Variants in TSGA10 observed in about 807,000 individuals in gnomAD.
TSGA10 encodes testis-specific gene 10 protein.
TSGA10 carries 43 observed loss-of-function variants against 96.6 expected under a neutral mutation model. The observed-to-expected ratio is 0.44, with a 90% CI of 0.35 to 0.57. The LOEUF is 0.57. Among genes scored for constraint, TSGA10 ranks in the 20% least tolerant of loss-of-function variants. The pLI is 0.01. For missense variants in TSGA10, 703 were observed against 834.4 expected (o/e 0.84, Z 1.94); for synonymous variants, 229 against 269.9 (o/e 0.85, Z 1.48).
chr2:99,145,466 G>A (rs1424763438), intron 1 of TSGA10, among the ~76,000 whole-genome samples: 5 of 151,794 alleles, frequency 3.3e-5, no homozygotes, highest in Non-Finnish European at 5.9e-5. Context: ...GCTGAGGCAC[G>A]AGAATCACTT....
intron 20 of TSGA10, among the ~76,000 whole-genome samples, chr2:99,007,944 G>C (rs979798995): frequency 6.6e-6 from 1 of 152,168 alleles, no homozygotes; most frequent in African/African-American, 2.4e-5. Context: ...AGTCCAAAAA[G>C]AGATCTGAAT....
chr2:99,135,439 A>T (rs924183605), intron 1 of TSGA10, among the ~76,000 whole-genome samples: 20 of 152,250 alleles, frequency 1.3e-4, no homozygotes. Flanking sequence ...AGCTGCAGAC[A>T]GAATAGAACA....
intron 16 of TSGA10, among the ~76,000 whole-genome samples, chr2:99,063,025 A>G (rs2084871912): frequency 6.6e-6 from 1 of 152,224 alleles, no homozygotes; most frequent in African/African-American, 2.4e-5. Context: ...ACATAAAATT[A>G]TAATAGCTAC....
At chr2:99,028,124 A>G (rs1295431684) in intron 17 of TSGA10, among the ~76,000 whole-genome samples, 1 of 152,032 alleles carries the variant, frequency 6.6e-6, no homozygotes, top group Non-Finnish European at 1.5e-5. Context: ...GCTCTCTTTG[A>G]CTGTCTCTCT....
In TSGA10 at chr2:99,023,414, A is replaced by T. The variant is rs199680320; in HGVS notation, c.1615-2932T>A. On this transcript the variant is annotated intron_variant, in intron 17 of 20. Transcript: ENST00000393483. ...TGCAGCACAGAAGGTTTTTTTTTTT[A>T]TTTTGATCAAGTCTACTTAATCTAT... Among the ~76,000 whole-genome samples the T allele has an allele frequency of 1.6e-3, 231 of 147,330 alleles. 1 individual carries two copies. Among genetic ancestry groups the T allele is most frequent in the Middle Eastern group, 0.01 (3 of 292 alleles).
intron 3 of TSGA10, among the ~76,000 whole-genome samples, chr2:99,118,199 CCAGCACTTTGGGAGGCTGAGGCGGG>C (rs1239025117): frequency 5.9e-5 from 9 of 151,342 alleles, no homozygotes; most frequent in Non-Finnish European, 1.2e-4. Flanking sequence ...ACTTGTAATC[CCAGCACTTTGGGAGGCTGAGGCGGG>C]CAGATCATCT....
At chr2:99,107,826 T>C (rs1439016398) in intron 7 of TSGA10, among the ~76,000 whole-genome samples, 5 of 152,204 alleles carry the variant, frequency 3.3e-5, no homozygotes, top group South Asian at 2.1e-4. Context: ...GCAGAAGATA[T>C]TTTTTGTCTG....
At chr2:99,018,725 G>T in intron 18 of TSGA10, 85 bp from the exon 19 acceptor site, 1 of 1,164,776 alleles carries the variant, frequency 8.6e-7, no homozygotes, top group Admixed American at 2.9e-5. Flanking sequence ...TATTGATAGT[G>T]GTTTCTCAGC....
intron 10 of TSGA10, among the ~76,000 whole-genome samples, chr2:99,083,173 T>G (rs1029552155): frequency 6.6e-6 from 1 of 152,082 alleles, no homozygotes; most frequent in African/African-American, 2.4e-5. Context: ...TAATAAAAGA[T>G]GAAATCCAAG....
intron 20 of TSGA10, among the ~76,000 whole-genome samples, chr2:99,016,597 G>A (rs2079531651): frequency 6.6e-6 from 1 of 152,160 alleles, no homozygotes; most frequent in Admixed American, 6.5e-5. Flanking sequence ...AAGATTTCAT[G>A]ACCAAGAACC....
At chr2:99,000,943 G>T (rs114253276) in intron 20 of TSGA10, among the ~76,000 whole-genome samples, 1,846 of 152,296 alleles carry the variant, frequency 0.012, 41 homozygotes, top group African/African-American at 0.042. Context: ...CATTGCTGAG[G>T]CTTGATTTGG....
intron 17 of TSGA10, among the ~76,000 whole-genome samples, chr2:99,034,386 G>A (rs1573669669): frequency 6.6e-6 from 1 of 152,224 alleles, no homozygotes; most frequent in Non-Finnish European, 1.5e-5. Context: ...TGGCGACAGA[G>A]TGAGACTCCA....
chr2:99,112,047 T>C (rs1418852094), intron 4 of TSGA10, among the ~76,000 whole-genome samples: 1 of 152,192 alleles, frequency 6.6e-6, no homozygotes, highest in Non-Finnish European at 1.5e-5. Flanking sequence ...AAATTTTGTA[T>C]AATAAATATG....
intron 12 of TSGA10, among the ~76,000 whole-genome samples, chr2:99,074,115 C>T (rs558236877): frequency 3.9e-4 from 57 of 147,588 alleles, no homozygotes; most frequent in African/African-American, 6.7e-4. Flanking sequence ...CAGGTTCAAG[C>T]GATTCTCCTG....
chr2:99,097,518 T>C (rs1008225157), intron 10 of TSGA10, among the ~76,000 whole-genome samples: 6 of 152,346 alleles, frequency 3.9e-5, no homozygotes, highest in African/African-American at 1.4e-4. Context: ...ATGGAGTTAC[T>C]GTTCTAAGGT....
At chr2:99,102,246 G>C in intron 10 of TSGA10, 1 of 1,612,292 alleles carries the variant, frequency 6.2e-7, no homozygotes, top group Non-Finnish European at 8.5e-7. Context: ...GTTAGTACCT[G>C]GTGGCAAAGC....
At chr2:99,033,988 T>C (rs1210318424) in intron 17 of TSGA10, among the ~76,000 whole-genome samples, 1 of 152,174 alleles carries the variant, frequency 6.6e-6, no homozygotes, top group African/African-American at 2.4e-5. Context: ...AGCTCAGCTT[T>C]CAAAAGAGTT....
intron 16 of TSGA10, among the ~76,000 whole-genome samples, chr2:99,064,444 C>T (rs76231983): frequency 0.012 from 1,848 of 152,064 alleles, 41 homozygotes; most frequent in African/African-American, 0.042. Context: ...CAAAACATAC[C>T]AAATAACATT....
intron 12 of TSGA10, among the ~76,000 whole-genome samples, chr2:99,076,609 T>C (rs1175498003): frequency 6.6e-6 from 1 of 151,968 alleles, no homozygotes; most frequent in Non-Finnish European, 1.5e-5. Flanking sequence ...ATACACACAC[T>C]GTAAGGTTGC....
Sources: allele counts gnomAD v4.1 joint callset (sites outside exome capture counted in the v4.1 genomes callset), GRCh38; gene constraint gnomAD v4.1.1; transcripts MANE v1.5; gene names NCBI Gene and HGNC (gene_info 2026-07-23, HGNC 2026-07-21).